Variants in GAL3ST1 observed in about 807,000 individuals in gnomAD.
GAL3ST1 encodes the protein galactose-3-O-sulfotransferase 1.
GAL3ST1 carries 13 observed loss-of-function variants against 25.0 expected under a neutral mutation model. That is an observed-to-expected ratio of 0.52 (90% CI 0.34 to 0.83). The LOEUF (loss-of-function observed/expected upper bound fraction) is 0.83. GAL3ST1 is among the 40% of genes least tolerant of loss of function. The pLI, the probability that GAL3ST1 is intolerant of heterozygous loss-of-function variation, is 0.02. For missense variants in GAL3ST1, 474 were observed against 613.6 expected, an observed-to-expected ratio of 0.77 and a Z score of 2.40; for synonymous variants, 274 against 277.8, an observed-to-expected ratio of 0.99 and a Z score of 0.14.
chr22:30,562,122 C>G (rs1054931173), intron 1 of GAL3ST1, among the ~76,000 whole-genome samples: 4 of 152,182 alleles, frequency 2.6e-5, no homozygotes, highest in African/African-American at 9.7e-5. Context: ...ACGATCATAG[C>G]TCATTGCAGC....
At chr22:30,569,062 C>T (rs1202936407) in intron 1 of GAL3ST1, among the ~76,000 whole-genome samples, 16 of 127,552 alleles carry the variant, frequency 1.3e-4, no homozygotes, top group African/African-American at 4.6e-4. Flanking sequence ...GGCAACAGAG[C>T]GAGACTCCAT....
intron 1 of GAL3ST1, among the ~76,000 whole-genome samples, chr22:30,568,449 G>A (rs1238945643): frequency 1.3e-5 from 2 of 152,198 alleles, no homozygotes; most frequent in African/African-American, 4.8e-5. Flanking sequence ...CTGGATGAAC[G>A]GGGTGGTCTC....
rs1228915123 is a variant in GAL3ST1, at chr22:30,555,787, G to A, written c.438C>T (p.Tyr146=). The A allele has an allele frequency of 1.2e-6, 2 of 1,614,036 alleles. No individual in the cohort carries two copies. The highest frequency in any genetic ancestry group is 2.2e-5 in the East Asian group (1 of 44,894). Residue 146 remains tyrosine, a synonymous_variant, in exon 4 of 4, where the codon TAC becomes TAT. Transcript: ENST00000406361. This position sits in a 1 kb window ranked among gnomAD's most constrained non-coding sequence, Gnocchi z 8.6. ...TCGGCACCAGGCCGCGCACCTCGTC[G>A]TAGTGGAAGCGCATGTGGTTGCAGA... ...NIICNHMRFH[Y]DEVRGLVPTN... is the part of the protein sequence containing the mutation.
At chr22:30,558,567 AC>A (rs2146355865) in intron 1 of GAL3ST1, among the ~76,000 whole-genome samples, 179 bp from the exon 2 acceptor site, 1 of 152,172 alleles carries the variant, frequency 6.6e-6, no homozygotes, top group South Asian at 2.1e-4. Flanking sequence ...CCCCTGTGCC[AC>A]CCACCCCACA....
chr22:30,567,565 C>T (rs1348540448), intron 1 of GAL3ST1, among the ~76,000 whole-genome samples: 2 of 152,140 alleles, frequency 1.3e-5, no homozygotes, highest in Admixed American at 6.5e-5. Context: ...AGGTGTGAGC[C>T]ATGGAGCCCA....
chr22:30,567,960 G>C (rs1416200054), intron 1 of GAL3ST1, among the ~76,000 whole-genome samples: 1 of 152,212 alleles, frequency 6.6e-6, no homozygotes, highest in Non-Finnish European at 1.5e-5. Context: ...TGGGATTACA[G>C]ACGTGAGCCA....
chr22:30,572,024 T>C (rs2086799267), intron 1 of GAL3ST1, among the ~76,000 whole-genome samples: 1 of 152,186 alleles, frequency 6.6e-6, no homozygotes, highest in South Asian at 2.1e-4. Context: ...CTCTTCCTGC[T>C]ACACTGCCTT....
At chr22:30,573,193 G>C (rs776102737) in intron 1 of GAL3ST1, among the ~76,000 whole-genome samples, 7 of 152,184 alleles carry the variant, frequency 4.6e-5, no homozygotes, top group Admixed American at 6.5e-5. Flanking sequence ...GGAGGCGAGG[G>C]GGGGTGTCCA....
chr22:30,571,820 C>T (rs1456678205), intron 1 of GAL3ST1, among the ~76,000 whole-genome samples: 4 of 152,138 alleles, frequency 2.6e-5, no homozygotes, highest in African/African-American at 9.7e-5. Flanking sequence ...GCCGAGATTG[C>T]ACCACTGCAC....
chr22:30,571,736 C>T (rs1398072212), intron 1 of GAL3ST1, among the ~76,000 whole-genome samples: 1 of 152,048 alleles, frequency 6.6e-6, no homozygotes, highest in Non-Finnish European at 1.5e-5. Flanking sequence ...TGGTGGTGGG[C>T]GCCTATAGTC....
At chr22:30,569,206 G>T (rs1357804733) in intron 1 of GAL3ST1, among the ~76,000 whole-genome samples, 1 of 152,128 alleles carries the variant, frequency 6.6e-6, no homozygotes, top group Non-Finnish European at 1.5e-5. Flanking sequence ...GAGCAGATGG[G>T]ATTCCCATTG....
chr22:30,571,654 G>A (rs2146439341), intron 1 of GAL3ST1, among the ~76,000 whole-genome samples: 1 of 152,282 alleles, frequency 6.6e-6, no homozygotes, highest in Non-Finnish European at 1.5e-5. Flanking sequence ...ACGAGGTCAG[G>A]AGATTGAGAC....
intron 1 of GAL3ST1, among the ~76,000 whole-genome samples, chr22:30,568,235 C>T (rs1320754878): frequency 6.6e-6 from 1 of 152,200 alleles, no homozygotes; most frequent in African/African-American, 2.4e-5. Context: ...GTAGGGGCCT[C>T]TGGTGGCAGA....
intron 1 of GAL3ST1, among the ~76,000 whole-genome samples, chr22:30,570,067 G>C (rs1348026334): frequency 6.6e-6 from 1 of 152,146 alleles, no homozygotes; most frequent in Admixed American, 6.5e-5. Context: ...CTGGGCAACA[G>C]TGTGAGACCC....
At chr22:30,570,397 G>A (rs745822930) in intron 1 of GAL3ST1, among the ~76,000 whole-genome samples, 4 of 152,232 alleles carry the variant, frequency 2.6e-5, no homozygotes, top group Non-Finnish European at 4.4e-5. Flanking sequence ...CAATCAATCT[G>A]AGATGGGCAT....
At chr22:30,556,621 C>T (rs1015969738) in intron 3 of GAL3ST1, among the ~76,000 whole-genome samples, 3 of 152,192 alleles carry the variant, frequency 2.0e-5, no homozygotes, top group African/African-American at 7.2e-5. Context: ...ATGGACAGGT[C>T]GCCCCCACCA....
intron 1 of GAL3ST1, among the ~76,000 whole-genome samples, chr22:30,567,699 T>C (rs924649059): frequency 6.6e-6 from 1 of 152,138 alleles, no homozygotes; most frequent in Admixed American, 6.5e-5. Context: ...TTGTTGTTGT[T>C]TGAGACAGAG....
At chr22:30,569,942 G>A (rs932346504) in intron 1 of GAL3ST1, among the ~76,000 whole-genome samples, 1 of 152,098 alleles carries the variant, frequency 6.6e-6, no homozygotes, top group Non-Finnish European at 1.5e-5. Context: ...CATTAGCCCT[G>A]TGTGGTGGTG....
chr22:30,566,488 C>T (rs942372369), intron 1 of GAL3ST1, among the ~76,000 whole-genome samples: 2 of 152,270 alleles, frequency 1.3e-5, no homozygotes, highest in Admixed American at 6.5e-5. Context: ...GAAGTGAGAT[C>T]GTGGCTGAGG....
Sources: gnomAD v4.1 joint callset for allele counts (sites outside exome capture counted in the v4.1 genomes callset) on GRCh38, gnomAD v4.1.1 for gene constraint, Gnocchi (gnomAD v3.1) non-coding constraint, MANE v1.5 for transcripts, NCBI Gene and HGNC (gene_info 2026-07-23, HGNC 2026-07-21) for gene names.